TUSC3: variants seen among roughly 807,000 people sequenced by gnomAD.
TUSC3 encodes tumor suppressor candidate 3.
Under a neutral mutation model 44.8 loss-of-function variants are expected in TUSC3, and 45 were observed. That is an observed-to-expected ratio of 1.00 (90% CI 0.79 to 1.29). The LOEUF (loss-of-function observed/expected upper bound fraction) is 1.29, where lower values mean the gene tolerates loss of function less well. Ranked by LOEUF, TUSC3 falls within the 50% of genes most tolerant of loss-of-function variation. The probability of loss-of-function intolerance (pLI) is 0.00; values close to 1 mark genes in which losing one functional copy is unlikely to be tolerated. For missense variants in TUSC3, 519 were observed against 437.9 expected, an observed-to-expected ratio of 1.19 and a Z score of -1.65; for synonymous variants, 212 against 152.9, an observed-to-expected ratio of 1.39 and a Z score of -2.85.
intron 6 of TUSC3, among the ~76,000 whole-genome samples, chr8:15,707,962 C>T (rs917720832): frequency 6.6e-6 from 1 of 151,790 alleles, no homozygotes; most frequent in Non-Finnish European, 1.5e-5. Context: ...AATAGATGCC[C>T]CACTCCAGTC....
intron 1 of TUSC3, among the ~76,000 whole-genome samples, chr8:15,441,274 G>A (rs764855810): frequency 6.6e-6 from 1 of 152,076 alleles, no homozygotes; most frequent in Non-Finnish European, 1.5e-5. Context: ...GGGCATGGTG[G>A]CACGTGGCTG....
chr8:15,441,757 G>A (rs1305154125), intron 1 of TUSC3, among the ~76,000 whole-genome samples: 1 of 151,830 alleles, frequency 6.6e-6, no homozygotes, highest in African/African-American at 2.4e-5. Context: ...AAGCAGTGAT[G>A]AAAGCTGACA....
intron 1 of TUSC3, among the ~76,000 whole-genome samples, chr8:15,424,976 T>C (rs190023073): frequency 6.6e-6 from 1 of 152,276 alleles, no homozygotes; most frequent in Admixed American, 6.5e-5. Flanking sequence ...GATGGCATTG[T>C]ATATTACAAA....
chr8:15,839,817 G>T, the TUSC3 span, among the ~76,000 whole-genome samples: 1 of 152,152 alleles, frequency 6.6e-6, no homozygotes. Flanking sequence ...AAGACAGTGT[G>T]GCGATTCCTC....
chr8:15,616,769 C>G (rs1805002357), intron 1 of TUSC3, among the ~76,000 whole-genome samples: 1 of 152,174 alleles, frequency 6.6e-6, no homozygotes, highest in Non-Finnish European at 1.5e-5. Context: ...CCTTGGTGCT[C>G]TGCCGTTGCT....
intron 6 of TUSC3, among the ~76,000 whole-genome samples, chr8:15,705,497 A>C (rs1809579633): frequency 6.6e-6 from 1 of 152,096 alleles, no homozygotes; most frequent in Non-Finnish European, 1.5e-5. Flanking sequence ...AACTCTGAAT[A>C]AAATATTTTC....
At chr8:15,614,371 G>A (rs1294135456) in intron 1 of TUSC3, among the ~76,000 whole-genome samples, 1 of 151,902 alleles carries the variant, frequency 6.6e-6, no homozygotes, top group Non-Finnish European at 1.5e-5. Context: ...TTTAGTGAGT[G>A]GTACAACCAT....
intron 1 of TUSC3, among the ~76,000 whole-genome samples, chr8:15,438,522 T>G (rs1054489360): frequency 1.3e-5 from 2 of 152,166 alleles, no homozygotes; most frequent in East Asian, 3.8e-4. Flanking sequence ...TGAGGTAGAC[T>G]CGTGGGTGAG....
chr8:15,760,430 G>C (rs896889028), intron 10 of TUSC3, among the ~76,000 whole-genome samples: 7 of 152,074 alleles, frequency 4.6e-5, no homozygotes, highest in Non-Finnish European at 7.4e-5. Context: ...TGTATGAATT[G>C]CCACAACTAT....
rs375417848 is a variant in TUSC3 at position 15,652,022 on chromosome 8, T to C, written c.426+1208T>C. Among the ~76,000 whole-genome samples the C allele has an allele frequency of 1.8e-4, 28 of 152,310 alleles. No homozygotes were observed. In the East Asian group the frequency reaches 3.9e-3, roughly 21 times the overall value. On this transcript the variant is annotated intron_variant, in intron 3 of 10. Transcript: ENST00000503731. The stretch of plus-strand genomic sequence containing the variant: ...TGCTTGTCCAAGGTCACAAAGTTAG[T>C]GTAATGTGTAACTAGAATTTGAACT...
At chr8:15,633,673 A>G (rs912896264) in intron 2 of TUSC3, among the ~76,000 whole-genome samples, 1 of 152,192 alleles carries the variant, frequency 6.6e-6, no homozygotes, top group Non-Finnish European at 1.5e-5. Context: ...AAATGGAATA[A>G]TTTAGCTGGA....
chr8:15,657,012 A>G (rs746219581), intron 3 of TUSC3, among the ~76,000 whole-genome samples: 3 of 152,108 alleles, frequency 2.0e-5, no homozygotes, highest in Non-Finnish European at 4.4e-5. Context: ...GGACACCCCA[A>G]GTGGCTCTGA....
intron 1 of TUSC3, among the ~76,000 whole-genome samples, chr8:15,444,596 G>C (rs1260351413): frequency 6.6e-6 from 1 of 152,062 alleles, no homozygotes; most frequent in Non-Finnish European, 1.5e-5. Flanking sequence ...CAAGATTCTT[G>C]CTTAAAATTA....
intron 1 of TUSC3, among the ~76,000 whole-genome samples, chr8:15,427,666 G>C (rs79876840): frequency 0.14 from 21,098 of 152,014 alleles, 1,567 homozygotes; most frequent in Middle Eastern, 0.22. Flanking sequence ...AACTTGCCTT[G>C]GTCTCACCTT....
chr8:15,769,226 GAT>G (rs1426978346), downstream of TUSC3, among the ~76,000 whole-genome samples: 1 of 152,052 alleles, frequency 6.6e-6, no homozygotes, highest in African/African-American at 2.4e-5. Context: ...TATGAAAACA[GAT>G]ATATAGACCA....
chr8:15,744,965 T>C (rs1210133123), intron 8 of TUSC3, among the ~76,000 whole-genome samples: 7 of 152,068 alleles, frequency 4.6e-5, no homozygotes, highest in African/African-American at 1.2e-4. Context: ...ATCCCCACTC[T>C]AGTCGTGTCT....
intron 1 of TUSC3, among the ~76,000 whole-genome samples, chr8:15,584,247 G>T (rs1043300814): frequency 2.6e-5 from 4 of 152,160 alleles, no homozygotes; most frequent in African/African-American, 4.8e-5. Flanking sequence ...AAAATTATCA[G>T]TCTCAGCACA....
the TUSC3 span, among the ~76,000 whole-genome samples, chr8:15,840,484 T>G: frequency 6.6e-6 from 1 of 152,168 alleles, no homozygotes; most frequent in African/African-American, 2.4e-5. Flanking sequence ...ACTCCAAGTC[T>G]AGGAGTAAAG....
At chr8:15,578,456 A>T (rs1218449744) in intron 1 of TUSC3, among the ~76,000 whole-genome samples, 1 of 118,396 alleles carries the variant, frequency 8.4e-6, no homozygotes, top group South Asian at 3.3e-4. Context: ...TGGGTTTGTC[A>T]TAGATAGCTC....
Sources: allele counts gnomAD v4.1 joint callset (sites outside exome capture counted in the v4.1 genomes callset), GRCh38; gene constraint gnomAD v4.1.1; transcripts MANE v1.5; gene names NCBI Gene and HGNC (gene_info 2026-07-23, HGNC 2026-07-21).